Variants in KLHL24 observed in about 807,000 individuals in gnomAD.
The protein encoded by KLHL24 is kelch-like protein 24.
KLHL24 carries 29 observed loss-of-function variants against 53.4 expected under a neutral mutation model. That is an observed-to-expected ratio of 0.54 (90% CI 0.40 to 0.74). KLHL24 has a LOEUF of 0.74. Ranked by LOEUF, KLHL24 falls within the 30% of genes least tolerant of loss-of-function variation. The pLI is 0.00. For synonymous variants in KLHL24, 222 were observed against 253.7 expected, an observed-to-expected ratio of 0.88 and a Z score of 1.19; for missense variants, 504 against 744.0, an observed-to-expected ratio of 0.68 and a Z score of 3.75.
In KLHL24 at chr3:183,651,048, A is replaced by C; in HGVS notation, c.692A>C (p.Glu231Ala). Residue 231 changes from glutamate to alanine, a missense_variant, in exon 3 of 8, where the codon GAA becomes GCA. Transcript: ENST00000242810. ...ATTGGTAAAGAGGAGATGGTTTTTG[A>C]AGCCGTCATGCGTTGGGTCTATCGT... is the stretch of plus-strand genomic sequence containing the variant. ...LVIGKEEMVF[E>A]AVMRWVYRAV... 1 of 1,614,142 alleles carries C rather than the reference A, an allele frequency of 6.2e-7. No homozygotes were observed.
At chr3:183,659,362 C>T (rs1719369682) in intron 3 of KLHL24, among the ~76,000 whole-genome samples, 1 of 152,040 alleles carries the variant, frequency 6.6e-6, no homozygotes, top group South Asian at 2.1e-4. Context: ...CATGGTGAAA[C>T]CCCGTCTCTA....
At chr3:183,646,565 G>A (rs1322209636) in intron 2 of KLHL24, among the ~76,000 whole-genome samples, 1 of 152,124 alleles carries the variant, frequency 6.6e-6, no homozygotes, top group Non-Finnish European at 1.5e-5. Context: ...AAGCATTTAG[G>A]TGTCCTTCAG....
At chr3:183,666,498 A>G (rs11720742) in intron 5 of KLHL24, among the ~76,000 whole-genome samples, 61,221 of 151,868 alleles carry the variant, frequency 0.4, 15,544 homozygotes, top group African/African-American at 0.73. Flanking sequence ...CTGGGCTCAA[A>G]TGATCTGCCT....
chr3:183,644,650 G>A (rs185628810), intron 2 of KLHL24, among the ~76,000 whole-genome samples: 2 of 152,188 alleles, frequency 1.3e-5, no homozygotes, highest in Admixed American at 6.5e-5. Flanking sequence ...ACAAATCAAG[G>A]AGCCAACTAT....
At chr3:183,676,020 A>G (rs997925610) in intron 7 of KLHL24, among the ~76,000 whole-genome samples, 2 of 152,230 alleles carry the variant, frequency 1.3e-5, no homozygotes, top group Admixed American at 6.5e-5. Context: ...AAGAAAATAA[A>G]CATTTGGATC....
chr3:183,654,467 A>G (rs749112359), intron 3 of KLHL24, among the ~76,000 whole-genome samples: 2 of 151,840 alleles, frequency 1.3e-5, no homozygotes, highest in South Asian at 2.1e-4. Context: ...AATTTTATAT[A>G]TCTTATTTAT....
In KLHL24 at chr3:183,651,080, G is replaced by C; in HGVS notation, c.724G>C (p.Asp242His). 6.2e-7 allele frequency: 1 copy of C among 1,614,168 alleles called. No homozygotes were observed. The highest frequency in any genetic ancestry group is 8.5e-7 in the Non-Finnish European group (1 of 1,180,024). Residue 242 changes from aspartate (D) to histidine (H), a missense_variant, in exon 3 of 8, where the codon GAT (aspartate) becomes CAT (histidine). Coordinates refer to ENST00000242810, the MANE Select transcript of KLHL24 (RefSeq NM_017644.3). Reference protein sequence around the residue: ...AVMRWVYRAVDLRRPLLHELL... With the variant: ...AVMRWVYRAVHLRRPLLHELL... ...CATGCGTTGGGTCTATCGTGCCGTT[G>C]ATCTGAGAAGACCACTGTTACACGA...
rs568200908 is a variant in KLHL24, at chr3:183,643,525, C to G, written c.-79C>G. On this transcript the variant is annotated 5_prime_UTR_variant, in exon 2 of 8. It adds an upstream start codon to the 5' untranslated region. Transcript: ENST00000242810. Reference sequence around the variant, plus strand: ...CACATATTTTGACTGGGGCTTTGATCAACCAAATGCTAAAAAGGTATATTT... The same window carrying G: ...CACATATTTTGACTGGGGCTTTGATGAACCAAATGCTAAAAAGGTATATTT... 1 of 152,242 alleles carries G rather than the reference C, an allele frequency of 6.6e-6. No homozygotes were observed. Among genetic ancestry groups the G allele is most frequent in the South Asian group, 2.1e-4 (1 of 4,814 alleles). 9.4% of individuals were successfully genotyped at this position (152,242 alleles called of 1,614,324 possible).
intron 5 of KLHL24, among the ~76,000 whole-genome samples, chr3:183,670,682 C>G (rs565826011): frequency 6.6e-6 from 1 of 152,158 alleles, no homozygotes; most frequent in South Asian, 2.1e-4. Context: ...CAGTATTACC[C>G]CCAAGGGGGC....
In KLHL24 at chr3:183,683,449, A is replaced by G. The variant is rs1187787306; in HGVS notation, c.*4163A>G. ...TTCTTTTTAGTTAAATAAATTTACCATGCCAAGTAACCAGAATGGAGCAAA... is the reference window on the plus strand; with the variant it reads ...TTCTTTTTAGTTAAATAAATTTACCGTGCCAAGTAACCAGAATGGAGCAAA... On this transcript the variant is annotated 3_prime_UTR_variant, in exon 8 of 8. Transcript: ENST00000242810. The G allele has an allele frequency of 6.6e-6, 1 of 152,642 alleles. No individual in the cohort carries two copies. Among genetic ancestry groups the G allele is most frequent in the Non-Finnish European group, 1.5e-5 (1 of 68,048 alleles). The allele number at this position is 152,642 out of a possible 1,614,324, so 9.5% of individuals were successfully genotyped here.
intron 7 of KLHL24, among the ~76,000 whole-genome samples, chr3:183,677,799 TA>T (rs1712147809): frequency 6.6e-6 from 1 of 152,096 alleles, no homozygotes; most frequent in Non-Finnish European, 1.5e-5. Flanking sequence ...TTTGTTTGTT[TA>T]TTTTTTTTGA....
chr3:183,676,447 C>G (rs965348267), intron 7 of KLHL24, among the ~76,000 whole-genome samples: 2 of 152,130 alleles, frequency 1.3e-5, no homozygotes, highest in Non-Finnish European at 2.9e-5. Context: ...GATTGTTTAC[C>G]CTTTTAATGC....
chr3:183,654,561 A>G (rs947596151), intron 3 of KLHL24, among the ~76,000 whole-genome samples: 6 of 152,118 alleles, frequency 3.9e-5, no homozygotes, highest in African/African-American at 1.4e-4. Context: ...TAACAGGCAA[A>G]ATAACATTAG....
intron 1 of KLHL24, among the ~76,000 whole-genome samples, chr3:183,640,292 A>G (rs1716173280): frequency 6.6e-6 from 1 of 152,184 alleles, no homozygotes; most frequent in Admixed American, 6.5e-5. Flanking sequence ...CAGTAGCCAG[A>G]AGTTTTAAGT....
rs747903496 is a variant in KLHL24 at position 183,664,903 on chromosome 3, A to C, written c.1106-18A>C. On this transcript the variant is annotated intron_variant, in intron 4 of 7. Transcript: ENST00000242810. ...TATCATGATAAATTATCGTGTGTGC[A>C]TTGTTTTGCATTTCAAGGTGGAAGA... 1 of 1,435,270 alleles carries C rather than the reference A, an allele frequency of 7.0e-7. No homozygotes were observed. The highest frequency in any genetic ancestry group is 1.7e-5 in the Admixed American group (1 of 59,020). 88.9% of individuals were successfully genotyped at this position (1,435,270 alleles called of 1,614,324 possible).
chr3:183,655,626 C>T (rs1196522835), intron 3 of KLHL24, among the ~76,000 whole-genome samples: 1 of 151,740 alleles, frequency 6.6e-6, no homozygotes, highest in Non-Finnish European at 1.5e-5. Flanking sequence ...AATACCCTGA[C>T]TCAAAAAAAT....
In KLHL24 at chr3:183,680,591, C is replaced by T. The variant is rs1383814969; in HGVS notation, c.*1305C>T. On this transcript the variant is annotated 3_prime_UTR_variant, in exon 8 of 8. Coordinates refer to ENST00000242810, the MANE Select transcript of KLHL24 (RefSeq NM_017644.3). ...CCCCATTGTGTAAAATACTAATCAA[C>T]ATTTTCAAGCTTCTGTACAACAGAC... The T allele has an allele frequency of 6.6e-6, 1 of 152,208 alleles. No individual in the cohort carries two copies. The highest frequency in any genetic ancestry group is 1.5e-5 in the Non-Finnish European group (1 of 68,034). 9.4% of individuals were successfully genotyped at this position (152,208 alleles called of 1,614,324 possible). A position where few individuals can be genotyped will look rare whatever the true frequency, so the allele number is the denominator to read the frequency against.
chr3:183,665,461 C>A (rs915918881), intron 5 of KLHL24, among the ~76,000 whole-genome samples: 3 of 152,156 alleles, frequency 2.0e-5, no homozygotes, highest in Non-Finnish European at 2.9e-5. Flanking sequence ...AAGATAAACT[C>A]ACTAACAGGC....
intron 3 of KLHL24, among the ~76,000 whole-genome samples, chr3:183,654,820 A>G (rs1241750835): frequency 1.3e-5 from 2 of 152,226 alleles, no homozygotes; most frequent in Admixed American, 6.5e-5. Context: ...TCCTTATGGC[A>G]TCATTTAGCT....
Sources: gnomAD v4.1 joint callset for allele counts (sites outside exome capture counted in the v4.1 genomes callset) on GRCh38, gnomAD v4.1.1 for gene constraint, MANE v1.5 for transcripts, NCBI Gene and HGNC (gene_info 2026-07-23, HGNC 2026-07-21) for gene names.